SUCLG2: variants seen among roughly 807,000 people sequenced by gnomAD.
SUCLG2 encodes succinate--CoA ligase [GDP-forming] subunit beta, mitochondrial.
In SUCLG2, 42 loss-of-function variants were observed where a neutral mutation model predicts 47.9. The ratio of observed to expected loss-of-function variants is 0.88; its 90% CI spans 0.69 to 1.14. The LOEUF is 1.14. Ranked by LOEUF, SUCLG2 falls within the 50% of genes most tolerant of loss-of-function variation. SUCLG2 has a pLI of 0.00. For synonymous variants in SUCLG2, 195 were observed against 197.3 expected, an observed-to-expected ratio of 0.99 and a Z score of 0.10; for missense variants, 571 against 525.9, an observed-to-expected ratio of 1.09 and a Z score of -0.84.
At chr3:67,597,774 C>T (rs1431020811) in intron 2 of SUCLG2, among the ~76,000 whole-genome samples, 6 of 151,826 alleles carry the variant, frequency 4.0e-5, no homozygotes, top group African/African-American at 7.2e-5. Context: ...TCCATCTCTA[C>T]GAAAAATACA....
At chr3:67,497,198 A>AT (rs1705370360) in intron 8 of SUCLG2, among the ~76,000 whole-genome samples, 1 of 152,108 alleles carries the variant, frequency 6.6e-6, no homozygotes, top group South Asian at 2.1e-4. Flanking sequence ...ATTGGATGTC[A>AT]TTTTCTATTG....
chr3:67,443,768 C>G (rs1482342194), intron 9 of SUCLG2, among the ~76,000 whole-genome samples: 1 of 89,936 alleles, frequency 1.1e-5, no homozygotes, highest in Non-Finnish European at 2.6e-5. Context: ...TGAGGAGCAT[C>G]TCTGCCCGGC....
intron 9 of SUCLG2, among the ~76,000 whole-genome samples, chr3:67,469,805 G>A (rs1226386798): frequency 5.3e-5 from 8 of 151,386 alleles, no homozygotes; most frequent in African/African-American, 1.7e-4. Context: ...CAGCACTTTG[G>A]GAGGCTGAGG....
intron 2 of SUCLG2, among the ~76,000 whole-genome samples, chr3:67,563,643 C>T (rs1575781107): frequency 6.6e-6 from 1 of 152,086 alleles, no homozygotes; most frequent in East Asian, 1.9e-4. Context: ...TGCAACTGAA[C>T]TTTAGCATAT....
At position 67,485,932 on chromosome 3, in the gene SUCLG2, G is replaced by C. The variant is rs548774194; in HGVS notation, c.1062+9866C>G. Among the ~76,000 whole-genome samples, 4 of 152,308 alleles carry C rather than the reference G, an allele frequency of 2.6e-5. No homozygotes were observed. In the South Asian group the frequency reaches 8.3e-4, roughly 32 times the overall value. ...GAACAAGTAAACTATGATAAGAAAA[G>C]TTTTTTACTTTACATTTAGACTGGG... On this transcript the variant is annotated intron_variant, in intron 9 of 10. Transcript: ENST00000307227.
chr3:67,645,829 T>G (rs1280614312), intron 1 of SUCLG2, among the ~76,000 whole-genome samples: 1 of 151,502 alleles, frequency 6.6e-6, no homozygotes, highest in African/African-American at 2.4e-5. Flanking sequence ...AAGGACTTAC[T>G]AACTCAAATA....
At chr3:67,610,640 C>T (rs1344766388) in intron 1 of SUCLG2, among the ~76,000 whole-genome samples, 1 of 152,060 alleles carries the variant, frequency 6.6e-6, no homozygotes, top group African/African-American at 2.4e-5. Flanking sequence ...CCAAAAAAAT[C>T]AATCACACAA....
intron 7 of SUCLG2, among the ~76,000 whole-genome samples, chr3:67,501,317 G>T (rs1240949576): frequency 2.0e-5 from 3 of 152,068 alleles, no homozygotes; most frequent in Non-Finnish European, 4.4e-5. Context: ...AAACTTTAAG[G>T]ATGTAAAGGG....
rs555073582 is a variant in SUCLG2, at chr3:67,581,627, T to A, written c.226+27828A>T. Among the ~76,000 whole-genome samples the A allele has an allele frequency of 2.6e-5, 4 of 152,232 alleles. No individual in the cohort carries two copies. The South Asian group carries it at 8.3e-4, about 32-fold the overall frequency. ...GAACTTTTCAAGCTCAAAATCAAGT[T>A]AGGGAGACAGATGAAAAGAAAACAA... On this transcript the variant is annotated intron_variant, in intron 2 of 10. Coordinates refer to ENST00000307227, the MANE Select transcript of SUCLG2 (RefSeq NM_003848.4).
chr3:67,380,992 AG>A (rs1473468210), intron 10 of SUCLG2, among the ~76,000 whole-genome samples: 1 of 151,870 alleles, frequency 6.6e-6, no homozygotes, highest in Non-Finnish European at 1.5e-5. Context: ...AACAACTGGA[AG>A]GGGAGGTGGG....
chr3:67,487,499 T>TATACACACACAC (rs1553649720), intron 9 of SUCLG2, among the ~76,000 whole-genome samples: 1 of 149,806 alleles, frequency 6.7e-6, no homozygotes, highest in African/African-American at 2.5e-5. Flanking sequence ...AACACACATA[T>TATACACACACAC]ACACACACAC....
Position 67,528,146 on chromosome 3 carries a change from C to T in SUCLG2, c.403G>A (p.Val135Met). 1.2e-6 allele frequency: 2 copies of T among 1,613,804 alleles called. No individual in the cohort carries two copies. The highest frequency in any genetic ancestry group is 1.7e-6 in the Non-Finnish European group (2 of 1,179,828). Residue 135 changes from valine (V) to methionine (M), a missense_variant, in exon 4 of 11, where the codon GTG becomes ATG. Transcript: ENST00000307227. ...ATCCATATTACCTTGTTAACTTTCA[C>T]ACCTTCTTTTGGAGTTTGTTTTGTC... is the stretch of plus-strand genomic sequence containing the variant. ...LATKQTPKEG[V>M]KVNKVMVAEA...
At chr3:67,588,438 CAAG>C (rs1192624340) in intron 2 of SUCLG2, among the ~76,000 whole-genome samples, 4 of 152,146 alleles carry the variant, frequency 2.6e-5, no homozygotes, top group East Asian at 1.9e-4. Flanking sequence ...TTACTCCTTT[CAAG>C]AAGGTGTTTT....
At chr3:67,403,589 C>T (rs1702737945) in intron 9 of SUCLG2, among the ~76,000 whole-genome samples, 1 of 152,116 alleles carries the variant, frequency 6.6e-6, no homozygotes, top group Non-Finnish European at 1.5e-5. Flanking sequence ...ATTACAAATA[C>T]AGGGTCTACA....
chr3:67,563,956 T>C (rs1340924966), intron 2 of SUCLG2, among the ~76,000 whole-genome samples: 2 of 105,480 alleles, frequency 1.9e-5, no homozygotes, highest in East Asian at 6.0e-4. Context: ...TGAGACTCTG[T>C]CTCAAAAAAA....
intron 1 of SUCLG2, among the ~76,000 whole-genome samples, chr3:67,613,039 C>T (rs1700559871): frequency 6.6e-6 from 1 of 152,162 alleles, no homozygotes; most frequent in Non-Finnish European, 1.5e-5. Context: ...TCTGGGGGTA[C>T]CACCTTGCAG....
At chr3:67,531,444 C>T (rs1335234118) in intron 2 of SUCLG2, among the ~76,000 whole-genome samples, 1 of 152,180 alleles carries the variant, frequency 6.6e-6, no homozygotes, top group East Asian at 1.9e-4. Context: ...ACTACATAGG[C>T]TTGATTAGAT....
chr3:67,606,024 C>A (rs1700410486), intron 2 of SUCLG2, among the ~76,000 whole-genome samples: 1 of 151,834 alleles, frequency 6.6e-6, no homozygotes, highest in African/African-American at 2.4e-5. Context: ...CACAGAGAGA[C>A]CCCATCTCTA....
At chr3:67,451,776 T>C (rs1394437893) in intron 9 of SUCLG2, among the ~76,000 whole-genome samples, 1 of 152,178 alleles carries the variant, frequency 6.6e-6, no homozygotes, top group Non-Finnish European at 1.5e-5. Flanking sequence ...CACTGATTTA[T>C]ACAGCCTTAA....
Sources: gnomAD v4.1 joint callset for allele counts (sites outside exome capture counted in the v4.1 genomes callset) on GRCh38, gnomAD v4.1.1 for gene constraint, MANE v1.5 for transcripts, NCBI Gene and HGNC (gene_info 2026-07-23, HGNC 2026-07-21) for gene names.